The following TADA2A variants were observed in gnomAD, a reference collection of about 807,000 sequenced individuals.
TADA2A encodes the protein transcriptional adapter 2-alpha.
In TADA2A, 38 loss-of-function variants were observed where a neutral mutation model predicts 67.4. That is an observed-to-expected ratio of 0.56 (90% confidence interval 0.44 to 0.74). The LOEUF (loss-of-function observed/expected upper bound fraction) is 0.74, where lower values mean the gene tolerates loss of function less well. Ranked by LOEUF, TADA2A falls within the 30% of genes least tolerant of loss-of-function variation. TADA2A has a pLI of 0.00. For missense variants in TADA2A, 454 were observed against 547.0 expected (o/e 0.83, Z 1.70); for synonymous variants, 192 against 181.6 (o/e 1.06, Z -0.46).
chr17:37,440,662 T>TG lies in TADA2A; in HGVS notation c.442+1dup. The TG allele has an allele frequency of 6.2e-7, 1 of 1,614,178 alleles. No homozygotes were observed. The highest frequency in any genetic ancestry group is 8.5e-7 in the Non-Finnish European group (1 of 1,180,026). ...TGCTGACACAGCCATTCCATTTCAC[T>TG]GTAAGTGCCTCCCTATCTTGATAAG... On this transcript the variant is annotated frameshift_variant and splice_region_variant. Transcript: ENST00000615182. LOFTEE classifies it high-confidence loss of function.
intron 8 of TADA2A, among the ~76,000 whole-genome samples, chr17:37,445,678 T>TG (rs142209270): frequency 0.011 from 1,732 of 152,040 alleles, 28 homozygotes; most frequent in African/African-American, 0.04. Context: ...TAGTTAGACT[T>TG]TGAGTCCCTT....
intron 4 of TADA2A, among the ~76,000 whole-genome samples, chr17:37,430,361 C>G (rs2052534660): frequency 6.6e-6 from 1 of 152,116 alleles, no homozygotes. Flanking sequence ...GGCATGATGA[C>G]CAAATTTTAG....
chr17:37,418,013 G>A (rs139328563), intron 2 of TADA2A, among the ~76,000 whole-genome samples: 28 of 152,250 alleles, frequency 1.8e-4, no homozygotes, highest in African/African-American at 6.3e-4. Context: ...GAACCCATAT[G>A]TTGAATCACT....
chr17:37,424,500 G>A (rs1384894166), intron 3 of TADA2A, among the ~76,000 whole-genome samples: 3 of 151,606 alleles, frequency 2.0e-5, no homozygotes, highest in South Asian at 4.2e-4. Flanking sequence ...GGGCGACAGA[G>A]CAAGACTCTG....
intron 1 of TADA2A, among the ~76,000 whole-genome samples, chr17:37,409,165 A>C (rs2051776460): frequency 6.6e-6 from 1 of 152,056 alleles, no homozygotes; most frequent in Non-Finnish European, 1.5e-5. Context: ...GGCTCACTGC[A>C]ACCTCCACCT....
chr17:37,414,328 C>T (rs766968589), intron 2 of TADA2A, among the ~76,000 whole-genome samples: 2 of 151,998 alleles, frequency 1.3e-5, no homozygotes, highest in Admixed American at 6.6e-5. Flanking sequence ...TTCAAATGGG[C>T]TCCTACATCC....
chr17:37,427,905 CCAGGAGG>C (rs1260453045), intron 4 of TADA2A, among the ~76,000 whole-genome samples: 1 of 151,982 alleles, frequency 6.6e-6, no homozygotes, highest in African/African-American at 2.4e-5. Flanking sequence ...TCGCTTGAAC[CCAGGAGG>C]CAGAGGTTGC....
At chr17:37,412,946 G>C (rs2051922941) in intron 2 of TADA2A, among the ~76,000 whole-genome samples, 1 of 151,464 alleles carries the variant, frequency 6.6e-6, no homozygotes, top group Admixed American at 6.6e-5. Context: ...TGTTTTTTTT[G>C]AGATGGAGTC....
At chr17:37,432,496 T>C (rs1304330105) in intron 4 of TADA2A, among the ~76,000 whole-genome samples, 1 of 152,160 alleles carries the variant, frequency 6.6e-6, no homozygotes, top group Non-Finnish European at 1.5e-5. Context: ...GTTTTATTCA[T>C]GTTGTGTATG....
At chr17:37,451,804 T>C (rs890981423) in intron 8 of TADA2A, among the ~76,000 whole-genome samples, 1 of 150,520 alleles carries the variant, frequency 6.6e-6, no homozygotes, top group Non-Finnish European at 1.5e-5. Flanking sequence ...GCCAACACGG[T>C]GAAACCCCGT....
intron 2 of TADA2A, among the ~76,000 whole-genome samples, chr17:37,416,175 A>G (rs2052039437): frequency 6.8e-6 from 1 of 146,766 alleles, no homozygotes; most frequent in African/African-American, 2.5e-5. Context: ...CTGGAGTGCA[A>G]TGGTGCGATC....
At chr17:37,424,577 C>T (rs562772846) in intron 3 of TADA2A, among the ~76,000 whole-genome samples, 4 of 151,690 alleles carry the variant, frequency 2.6e-5, no homozygotes, top group East Asian at 3.9e-4. Flanking sequence ...TTTGTTGAGA[C>T]GGGAGTTTCG....
intron 10 of TADA2A, among the ~76,000 whole-genome samples, chr17:37,465,016 G>A (rs1041152084): frequency 4.6e-5 from 7 of 151,838 alleles, no homozygotes; most frequent in African/African-American, 1.4e-4. Context: ...GTGTAGTGGC[G>A]GGCGCCTGTA....
chr17:37,475,183 A>G (rs2053867846), intron 15 of TADA2A, among the ~76,000 whole-genome samples: 1 of 150,910 alleles, frequency 6.6e-6, no homozygotes, highest in South Asian at 2.1e-4. Flanking sequence ...TTATTTATTT[A>G]TTTTTTGAGA....
At chr17:37,440,706 T>C (rs376955730) in intron 6 of TADA2A, 44 bp downstream of exon 6, 3 of 1,607,580 alleles carry the variant, frequency 1.9e-6, no homozygotes, top group African/African-American at 2.7e-5. Flanking sequence ...AGCTCATCCT[T>C]GGGCCCTGTT....
intron 6 of TADA2A, among the ~76,000 whole-genome samples, chr17:37,441,822 A>G (rs1337655167): frequency 2.0e-5 from 3 of 152,026 alleles, no homozygotes; most frequent in Non-Finnish European, 4.4e-5. Context: ...GCATGCCACC[A>G]CACCTGGCTA....
intron 8 of TADA2A, 107 bp from the exon 9 acceptor site, chr17:37,458,417 A>G (rs2053453577): frequency 1.6e-6 from 1 of 628,744 alleles, no homozygotes; most frequent in Non-Finnish European, 2.3e-6. Context: ...AATTAGCAAT[A>G]TGAGGTTCAA....
intron 8 of TADA2A, among the ~76,000 whole-genome samples, chr17:37,452,578 C>T (rs1382918087): frequency 2.0e-5 from 3 of 152,146 alleles, no homozygotes; most frequent in Admixed American, 6.5e-5. Flanking sequence ...CACTTCCTAT[C>T]CTTGTTTCTA....
At chr17:37,421,775 G>A (rs956612504) in intron 2 of TADA2A, among the ~76,000 whole-genome samples, 1 of 145,974 alleles carries the variant, frequency 6.9e-6, no homozygotes, top group Non-Finnish European at 1.5e-5. Flanking sequence ...CTAGGTGACA[G>A]AGTGAGACCC....
Sources: gnomAD v4.1 joint callset for allele counts (sites outside exome capture counted in the v4.1 genomes callset) on GRCh38, gnomAD v4.1.1 for gene constraint, MANE v1.5 for transcripts, NCBI Gene and HGNC (gene_info 2026-07-23, HGNC 2026-07-21) for gene names.